RARB: variants seen among roughly 807,000 people sequenced by gnomAD.
The protein encoded by RARB is retinoic acid receptor beta.
RARB carries 17 observed loss-of-function variants against 51.9 expected under a neutral mutation model. That is an observed-to-expected ratio of 0.33 (90% CI 0.22 to 0.49). The LOEUF (loss-of-function observed/expected upper bound fraction) is 0.49, where lower values mean the gene tolerates loss of function less well. Ranked by LOEUF, RARB falls within the 20% of genes least tolerant of loss-of-function variation. RARB has a pLI of 0.99. For synonymous variants in RARB, 215 were observed against 195.4 expected (o/e 1.10, Z -0.84); for missense variants, 369 against 550.8 (o/e 0.67, Z 3.30).
chr3:25,515,618 A>G (rs184561608), intron 3 of RARB, among the ~76,000 whole-genome samples: 1 of 152,370 alleles, frequency 6.6e-6, no homozygotes, highest in Non-Finnish European at 1.5e-5. Context: ...AACAGCATGG[A>G]TGAACTCAAA....
chr3:25,457,598 T>C (rs1426987624), intron 1 of RARB, among the ~76,000 whole-genome samples: 1 of 152,268 alleles, frequency 6.6e-6, no homozygotes, highest in Non-Finnish European at 1.5e-5. Context: ...GGATCTTTAA[T>C]GTCCAGTAGA....
At chr3:24,860,083 C>T (rs1021703175) in intron 2 of RARB, among the ~76,000 whole-genome samples, 1 of 152,048 alleles carries the variant, frequency 6.6e-6, no homozygotes, top group Non-Finnish European at 1.5e-5. Context: ...TGTGATGCTG[C>T]CAGGATCTTG....
At chr3:24,938,489 G>A (rs532983960) in intron 2 of RARB, among the ~76,000 whole-genome samples, 3 of 152,198 alleles carry the variant, frequency 2.0e-5, no homozygotes, top group African/African-American at 7.2e-5. Flanking sequence ...TTAATTTACA[G>A]ACAGGTTCAT....
At chr3:25,128,103 C>A (rs1048187515) in intron 3 of RARB, among the ~76,000 whole-genome samples, 3 of 152,042 alleles carry the variant, frequency 2.0e-5, no homozygotes, top group African/African-American at 7.2e-5. Flanking sequence ...CTCTGGTTCA[C>A]TGGGGTATTT....
intron 3 of RARB, among the ~76,000 whole-genome samples, chr3:25,114,259 C>G (rs558322180): frequency 2.6e-5 from 4 of 152,178 alleles, no homozygotes; most frequent in Non-Finnish European, 4.4e-5. Context: ...TCCTTTGGTG[C>G]AGCACTCTCT....
chr3:25,521,667 C>A (rs992849091), intron 3 of RARB, among the ~76,000 whole-genome samples: 1 of 152,114 alleles, frequency 6.6e-6, no homozygotes, highest in Non-Finnish European at 1.5e-5. Flanking sequence ...GAATGTGACA[C>A]CTAGGGGCCA....
At chr3:25,158,972 A>G (rs543525866) in intron 4 of RARB, among the ~76,000 whole-genome samples, 1 of 151,962 alleles carries the variant, frequency 6.6e-6, no homozygotes, top group South Asian at 2.1e-4. Context: ...ACATCACATC[A>G]CCCACGTTCT....
At chr3:25,001,403 A>G (rs934033096) in intron 2 of RARB, among the ~76,000 whole-genome samples, 4 of 152,152 alleles carry the variant, frequency 2.6e-5, no homozygotes, top group African/African-American at 9.7e-5. Flanking sequence ...GGTTTTGATA[A>G]GTCCCAAGCC....
At chr3:25,277,704 A>T (rs1377470627) in intron 5 of RARB, among the ~76,000 whole-genome samples, 1 of 152,200 alleles carries the variant, frequency 6.6e-6, no homozygotes, top group African/African-American at 2.4e-5. Context: ...CTTTTTGCTT[A>T]CTTAGCAAAA....
intron 2 of RARB, among the ~76,000 whole-genome samples, chr3:24,891,180 T>C (rs1398424594): frequency 2.0e-5 from 3 of 152,180 alleles, no homozygotes; most frequent in Non-Finnish European, 4.4e-5. Flanking sequence ...TTTGATAATA[T>C]CTCATGACGT....
chr3:25,113,590 T>C (rs1277763517), intron 3 of RARB, among the ~76,000 whole-genome samples: 1 of 152,164 alleles, frequency 6.6e-6, no homozygotes, highest in Non-Finnish European at 1.5e-5. Context: ...AATTATCCAA[T>C]GCATTGGCTT....
intron 5 of RARB, among the ~76,000 whole-genome samples, chr3:25,290,282 C>T (rs1347933868): frequency 6.6e-6 from 1 of 152,098 alleles, no homozygotes; most frequent in Non-Finnish European, 1.5e-5. Context: ...GGACTAACAT[C>T]CTTATGAGAA....
At chr3:25,525,843 G>A (rs760797611) in intron 3 of RARB, among the ~76,000 whole-genome samples, 2 of 152,276 alleles carry the variant, frequency 1.3e-5, no homozygotes, top group Admixed American at 6.5e-5. Context: ...TTTGGGCAGG[G>A]ACCTAAAGGA....
chr3:25,372,429 G>C, intron 5 of RARB, among the ~76,000 whole-genome samples: 1 of 152,186 alleles, frequency 6.6e-6, no homozygotes, highest in South Asian at 2.1e-4. Flanking sequence ...ACTACTTCAA[G>C]GAGAAATTTT....
chr3:25,326,605 T>C (rs1293461444), intron 5 of RARB, among the ~76,000 whole-genome samples: 1 of 152,220 alleles, frequency 6.6e-6, no homozygotes, highest in East Asian at 1.9e-4. Context: ...TCCAACTGTT[T>C]TTCAGCAAAG....
intron 2 of RARB, among the ~76,000 whole-genome samples, chr3:25,011,453 G>T (rs1217623409): frequency 6.6e-6 from 1 of 151,944 alleles, no homozygotes; most frequent in Non-Finnish European, 1.5e-5. Flanking sequence ...GCCAAGTGTT[G>T]GCAGATTTTT....
chr3:25,387,344 A>G (rs146494600), intron 5 of RARB, among the ~76,000 whole-genome samples: 23 of 152,288 alleles, frequency 1.5e-4, no homozygotes, highest in African/African-American at 5.1e-4. Context: ...GGAAGTGTGT[A>G]GAGGAACAAA....
intron 5 of RARB, among the ~76,000 whole-genome samples, chr3:25,222,248 CT>C (rs981809119): frequency 4.6e-5 from 7 of 152,134 alleles, no homozygotes; most frequent in African/African-American, 1.7e-4. Context: ...TAATTGAGCC[CT>C]ATCTCCTTCT....
intron 5 of RARB, among the ~76,000 whole-genome samples, chr3:25,178,819 A>G (rs1700807406): frequency 6.6e-6 from 1 of 152,120 alleles, no homozygotes; most frequent in African/African-American, 2.4e-5. Flanking sequence ...GCCAGGGAAC[A>G]CTCAAAATAT....
Sources: gnomAD v4.1 joint callset for allele counts (sites outside exome capture counted in the v4.1 genomes callset) on GRCh38, gnomAD v4.1.1 for gene constraint, MANE v1.5 for transcripts, NCBI Gene and HGNC (gene_info 2026-07-23, HGNC 2026-07-21) for gene names.